SUSD4: variants seen among roughly 807,000 people sequenced by gnomAD.
SUSD4 encodes sushi domain-containing protein 4.
Under a neutral mutation model 50.5 loss-of-function variants are expected in SUSD4, and 41 were observed. That is an observed-to-expected ratio of 0.81 (90% confidence interval 0.63 to 1.05). SUSD4 has a LOEUF of 1.05. Ranked by LOEUF, SUSD4 falls within the 50% of genes least tolerant of loss-of-function variation. The probability of loss-of-function intolerance (pLI) is 0.00; values close to 1 mark genes in which losing one functional copy is unlikely to be tolerated. For synonymous variants in SUSD4, 257 were observed against 257.3 expected (o/e 1.00, Z 0.01); for missense variants, 580 against 634.7 (o/e 0.91, Z 0.93).
chr1:223,336,302 A>C (rs1667452323), intron 2 of SUSD4, among the ~76,000 whole-genome samples: 1 of 152,228 alleles, frequency 6.6e-6, no homozygotes, highest in African/African-American at 2.4e-5. Flanking sequence ...CTACCTTGAG[A>C]GAAAGAAGAA....
chr1:223,325,079 TG>T (rs1412327815), intron 2 of SUSD4, among the ~76,000 whole-genome samples: 2 of 152,138 alleles, frequency 1.3e-5, no homozygotes, highest in Non-Finnish European at 2.9e-5. Context: ...TCTTATGATT[TG>T]GTTAGGTCAT....
intron 2 of SUSD4, among the ~76,000 whole-genome samples, chr1:223,301,709 G>A (rs184862098): frequency 6.6e-5 from 10 of 152,230 alleles, no homozygotes; most frequent in East Asian, 3.9e-4. Flanking sequence ...GAATCTTTCC[G>A]TCTCATGAGA....
intron 5 of SUSD4, among the ~76,000 whole-genome samples, chr1:223,253,967 T>C (rs1325349322): frequency 6.6e-6 from 1 of 152,210 alleles, no homozygotes; most frequent in East Asian, 1.9e-4. Flanking sequence ...GACCTCAGCT[T>C]GCATGTCTGT....
At chr1:223,334,928 A>G (rs1335246020) in intron 2 of SUSD4, among the ~76,000 whole-genome samples, 1 of 151,914 alleles carries the variant, frequency 6.6e-6, no homozygotes, top group Non-Finnish European at 1.5e-5. Flanking sequence ...ATGCCTTTGC[A>G]TCCTCATAGC....
intron 2 of SUSD4, among the ~76,000 whole-genome samples, chr1:223,356,010 A>G (rs1668644686): frequency 6.6e-6 from 1 of 152,214 alleles, no homozygotes; most frequent in South Asian, 2.1e-4. Context: ...AGAGTCATCT[A>G]TAATGGCACT....
At chr1:223,351,282 G>C (rs1211393608) in intron 2 of SUSD4, among the ~76,000 whole-genome samples, 1 of 152,202 alleles carries the variant, frequency 6.6e-6, no homozygotes, top group Non-Finnish European at 1.5e-5. Context: ...TTCATATGTT[G>C]GTGAAAGGAT....
intron 5 of SUSD4, among the ~76,000 whole-genome samples, chr1:223,259,599 A>C (rs1661952281): frequency 1.3e-5 from 2 of 152,180 alleles, no homozygotes; most frequent in Non-Finnish European, 2.9e-5. Flanking sequence ...CTGAATGTGA[A>C]GAGAATGTTC....
intron 5 of SUSD4, among the ~76,000 whole-genome samples, chr1:223,244,851 C>T (rs1660814573): frequency 6.6e-6 from 1 of 152,192 alleles, no homozygotes; most frequent in Non-Finnish European, 1.5e-5. Flanking sequence ...CACGTTACAT[C>T]TAATCACAAA....
At chr1:223,295,623 GA>G (rs565057396) in intron 2 of SUSD4, among the ~76,000 whole-genome samples, 109 of 152,194 alleles carry the variant, frequency 7.2e-4, no homozygotes, top group African/African-American at 2.5e-3. Flanking sequence ...CACCTGTCAG[GA>G]AAGAGGTGGC....
intron 5 of SUSD4, among the ~76,000 whole-genome samples, chr1:223,235,263 T>C (rs1022084242): frequency 1.3e-5 from 2 of 152,184 alleles, no homozygotes; most frequent in African/African-American, 4.8e-5. Flanking sequence ...GAAGTTCCCG[T>C]ATACTCCCTG....
At chr1:223,317,851 C>CTTTTTT (rs1172641015) in intron 2 of SUSD4, among the ~76,000 whole-genome samples, 21 of 100,726 alleles carry the variant, frequency 2.1e-4, no homozygotes, top group African/African-American at 3.7e-4. Context: ...TTTTTTTTTT[C>CTTTTTT]TTTTTTTTTT....
intron 5 of SUSD4, chr1:223,234,782 C>T (rs773336590): frequency 1.0e-5 from 8 of 801,430 alleles, no homozygotes; most frequent in Non-Finnish European, 1.4e-5. Context: ...CCAGTCCCAC[C>T]TCTGAGATAC....
intron 5 of SUSD4, among the ~76,000 whole-genome samples, chr1:223,247,737 C>T (rs1438509789): frequency 2.6e-5 from 4 of 152,104 alleles, no homozygotes; most frequent in Non-Finnish European, 5.9e-5. Flanking sequence ...ACCTGGGGAG[C>T]TTTGCCTAAT....
chr1:223,364,985 C>T (rs999372072), upstream of SUSD4, among the ~76,000 whole-genome samples: 3 of 152,124 alleles, frequency 2.0e-5, no homozygotes, highest in African/African-American at 7.2e-5. The surrounding 1 kb of genome is among the most constrained non-coding windows in gnomAD (Gnocchi z 4.5). Flanking sequence ...GAGTGAGGAC[C>T]CCTGTCCGGT....
chr1:223,254,601 C>A (rs1661563191), intron 5 of SUSD4, among the ~76,000 whole-genome samples: 1 of 151,934 alleles, frequency 6.6e-6, no homozygotes, highest in African/African-American at 2.4e-5. Flanking sequence ...AGCAGGAATG[C>A]CTGAAAACTT....
chr1:223,243,759 C>A (rs1170381086), intron 5 of SUSD4, among the ~76,000 whole-genome samples: 3 of 152,204 alleles, frequency 2.0e-5, no homozygotes, highest in Non-Finnish European at 4.4e-5. Flanking sequence ...AGCTAGAAAG[C>A]AAGCCTGATG....
intron 2 of SUSD4, among the ~76,000 whole-genome samples, chr1:223,294,857 T>C (rs532832549): frequency 6.6e-6 from 1 of 152,336 alleles, no homozygotes; most frequent in Admixed American, 6.5e-5. Context: ...CATTAAATGA[T>C]GGCTGCATGT....
intron 2 of SUSD4, among the ~76,000 whole-genome samples, chr1:223,316,064 G>C (rs911449565): frequency 6.6e-6 from 1 of 152,182 alleles, no homozygotes; most frequent in South Asian, 2.1e-4. Flanking sequence ...TCAGATGTGA[G>C]ACCTGCATAC....
rs1348743146 is a variant in SUSD4 at position 223,231,553 on chromosome 1, A to T, written c.725-2165T>A. Among the ~76,000 whole-genome samples the T allele has an allele frequency of 1.3e-5, 2 of 152,154 alleles. No homozygotes were observed. Among genetic ancestry groups the T allele is most frequent in the Non-Finnish European group, 2.9e-5 (2 of 68,026 alleles). On this transcript the variant is annotated intron_variant, in intron 5 of 8. Transcript: ENST00000366878. This position sits in a 1 kb window ranked among gnomAD's most constrained non-coding sequence, Gnocchi z 4.2. ...TTTCCACAAACAGGGGCTCTTTTCA[A>T]GTTTGCTACCACCAGGGTGCTCTGG...
Sources: gnomAD v4.1 joint callset for allele counts (sites outside exome capture counted in the v4.1 genomes callset) on GRCh38, gnomAD v4.1.1 for gene constraint, Gnocchi (gnomAD v3.1) non-coding constraint, MANE v1.5 for transcripts, NCBI Gene and HGNC (gene_info 2026-07-23, HGNC 2026-07-21) for gene names.